TMEM117: variants seen among roughly 807,000 people sequenced by gnomAD.
TMEM117 encodes transmembrane protein 117.
TMEM117 carries 27 observed loss-of-function variants against 52.4 expected under a neutral mutation model. The observed-to-expected ratio is 0.51, with a 90% CI of 0.38 to 0.71. The LOEUF (loss-of-function observed/expected upper bound fraction) is 0.71. Among genes scored for constraint, TMEM117 ranks in the 30% least tolerant of loss-of-function variants. TMEM117 has a pLI of 0.00. For missense variants in TMEM117, 556 were observed against 630.5 expected (o/e 0.88, Z 1.26); for synonymous variants, 215 against 206.3 (o/e 1.04, Z -0.36).
chr12:44,226,208 T>C (rs1949858770), intron 5 of TMEM117, among the ~76,000 whole-genome samples: 1 of 152,138 alleles, frequency 6.6e-6, no homozygotes. Context: ...TTTAGAAATT[T>C]TTCTTCTTGC....
chr12:44,256,955 T>C (rs1950266726), intron 5 of TMEM117, among the ~76,000 whole-genome samples: 1 of 151,466 alleles, frequency 6.6e-6, no homozygotes, highest in Non-Finnish European at 1.5e-5. Flanking sequence ...CCTTCTCTTT[T>C]CCTGGTCTGT....
intron 3 of TMEM117, among the ~76,000 whole-genome samples, chr12:44,119,621 T>C (rs1044955484): frequency 1.3e-5 from 2 of 152,178 alleles, no homozygotes; most frequent in Non-Finnish European, 2.9e-5. Context: ...CTTAGTGTGG[T>C]GACTCACACC....
At chr12:44,183,643 G>T (rs565999387) in intron 4 of TMEM117, among the ~76,000 whole-genome samples, 3 of 152,208 alleles carry the variant, frequency 2.0e-5, no homozygotes, top group South Asian at 2.1e-4. Context: ...AAGTGAAAGT[G>T]GGTTTTAAAA....
In TMEM117 at chr12:44,389,636, C is replaced by T. The variant is rs1952145243; in HGVS notation, c.*964C>T. ...TCCTCAAAAAATCATGCAGCGGAAC[C>T]TTGTCAGGTAGAGAAGCCGTGCATG... On this transcript the variant is annotated 3_prime_UTR_variant, in exon 8 of 8. Coordinates refer to ENST00000266534, the MANE Select transcript of TMEM117 (RefSeq NM_032256.3). 6.6e-6 allele frequency: 1 copy of T among 152,530 alleles called. No homozygotes were observed. Among genetic ancestry groups the T allele is most frequent in the Admixed American group, 6.6e-5 (1 of 15,252 alleles). The allele number at this position is 152,530 out of a possible 1,614,324, so 9.4% of individuals were successfully genotyped here.
rs1565788191 is a variant in TMEM117, at chr12:44,003,811, G to A, written c.410+59469G>A. ...TGCCATTTCTTTCCTTACTGCCCAT[G>A]TCTCCATGGACATATGATTTTTCTC... On this transcript the variant is annotated intron_variant, in intron 3 of 7. Transcript: ENST00000266534. Among the ~76,000 whole-genome samples, 3 of 152,266 alleles carry A rather than the reference G, an allele frequency of 2.0e-5. 1 individual carries two copies. The highest frequency in any genetic ancestry group is 7.2e-5 in the African/African-American group (3 of 41,548).
intron 6 of TMEM117, among the ~76,000 whole-genome samples, chr12:44,308,791 T>C (rs1161353911): frequency 2.0e-5 from 3 of 152,112 alleles, no homozygotes; most frequent in Non-Finnish European, 4.4e-5. Context: ...GGCTAATTTT[T>C]TGTATTTTTA....
At chr12:44,235,885 T>A (rs541320868) in intron 5 of TMEM117, among the ~76,000 whole-genome samples, 4 of 152,068 alleles carry the variant, frequency 2.6e-5, no homozygotes, top group Admixed American at 6.6e-5. Flanking sequence ...GTATTCTAAC[T>A]TGAAATTCTT....
intron 3 of TMEM117, among the ~76,000 whole-genome samples, chr12:43,995,352 T>C (rs1402707847): frequency 6.6e-6 from 1 of 151,860 alleles, no homozygotes; most frequent in African/African-American, 2.4e-5. Context: ...GTGGTTTTTT[T>C]CCCTCTGACT....
chr12:43,815,613 C>T, the TMEM117 span, among the ~76,000 whole-genome samples: 1 of 152,186 alleles, frequency 6.6e-6, no homozygotes, highest in African/African-American at 2.4e-5. Flanking sequence ...GTCAAGGTGT[C>T]AGGTAGCATA....
At chr12:44,365,451 A>G (rs1394447763) in intron 6 of TMEM117, among the ~76,000 whole-genome samples, 1 of 151,996 alleles carries the variant, frequency 6.6e-6, no homozygotes, top group African/African-American at 2.4e-5. Context: ...GATGGGGGAA[A>G]ATGTCATGAA....
chr12:43,844,909 G>C lies in TMEM117; in HGVS notation c.258G>C (p.Leu86=), dbSNP rs943987838. ...CAGGACTAATAGCTGGCAAATTTCT[G>C]TTCCATCAGCGTTTGTTTGGTAAGT... ...ILTGLIAGKF[L]FHQRLFGQLL... The change falls in exon 2 of 8, where the codon CTG becomes CTC. Residue 86 remains leucine, a synonymous_variant. Transcript: ENST00000266534. 6 of 1,613,052 alleles carry C rather than the reference G, an allele frequency of 3.7e-6. No individual in the cohort carries two copies. Among genetic ancestry groups the C allele is most frequent in the Non-Finnish European group, 5.1e-6 (6 of 1,179,840 alleles).
chr12:44,285,809 A>T (rs903442311), intron 5 of TMEM117, among the ~76,000 whole-genome samples: 17 of 152,212 alleles, frequency 1.1e-4, no homozygotes, highest in African/African-American at 4.1e-4. Flanking sequence ...GTGTGCTGGT[A>T]CTTAGTGTTC....
At chr12:44,312,463 A>G (rs1042600564) in intron 6 of TMEM117, among the ~76,000 whole-genome samples, 23 of 152,062 alleles carry the variant, frequency 1.5e-4, no homozygotes, top group Non-Finnish European at 2.9e-5. Flanking sequence ...TGGCTGTGTA[A>G]TATTCCAGGG....
At chr12:43,950,987 G>A (rs775121302) in intron 3 of TMEM117, among the ~76,000 whole-genome samples, 14 of 152,074 alleles carry the variant, frequency 9.2e-5, no homozygotes, top group East Asian at 1.9e-4. Flanking sequence ...CAGTGGGTGC[G>A]CCCCATGGAG....
intron 3 of TMEM117, among the ~76,000 whole-genome samples, chr12:44,064,314 C>A (rs1284644938): frequency 3.3e-5 from 5 of 152,160 alleles, no homozygotes; most frequent in Non-Finnish European, 7.3e-5. Flanking sequence ...TTCATTTAAA[C>A]TTCAGCTATT....
At chr12:44,182,810 G>A (rs543991681) in intron 4 of TMEM117, among the ~76,000 whole-genome samples, 1 of 151,984 alleles carries the variant, frequency 6.6e-6, no homozygotes, top group Admixed American at 6.6e-5. Flanking sequence ...GTGATGAGTC[G>A]GTCAGTAGCA....
chr12:44,184,144 G>T (rs1393907643), intron 4 of TMEM117, among the ~76,000 whole-genome samples: 2 of 152,082 alleles, frequency 1.3e-5, no homozygotes, highest in African/African-American at 4.8e-5. Context: ...TCAGGAGTTT[G>T]AGAACAGCCT....
At chr12:44,356,465 A>C (rs1446662680) in intron 6 of TMEM117, among the ~76,000 whole-genome samples, 1 of 152,040 alleles carries the variant, frequency 6.6e-6, no homozygotes, top group African/African-American at 2.4e-5. Context: ...GTTCCTTTGA[A>C]CTATTTTGTT....
At chr12:43,825,482 A>T in the TMEM117 span, among the ~76,000 whole-genome samples, 3 of 151,860 alleles carry the variant, frequency 2.0e-5, no homozygotes. Context: ...CATTCTCTCT[A>T]TTCTCCTCAG....
Sources: gnomAD v4.1 joint callset for allele counts (sites outside exome capture counted in the v4.1 genomes callset) on GRCh38, gnomAD v4.1.1 for gene constraint, MANE v1.5 for transcripts, NCBI Gene and HGNC (gene_info 2026-07-23, HGNC 2026-07-21) for gene names.